The following DDX50 variants were observed in gnomAD, a reference collection of about 807,000 sequenced individuals.
DDX50 encodes ATP-dependent RNA helicase DDX50.
DDX50 carries 56 observed loss-of-function variants against 94.8 expected under a neutral mutation model. The ratio of observed to expected loss-of-function variants is 0.59; its 90% CI spans 0.48 to 0.74. The LOEUF is 0.74. Ranked by LOEUF, DDX50 falls within the 30% of genes least tolerant of loss-of-function variation. The pLI, the probability that DDX50 is intolerant of heterozygous loss-of-function variation, is 0.00. For missense variants in DDX50, 713 were observed against 881.2 expected (o/e 0.81, Z 2.42); for synonymous variants, 264 against 295.4 (o/e 0.89, Z 1.09).
At chr10:68,902,046 C>T (rs966708110) in intron 1 of DDX50, among the ~76,000 whole-genome samples, 1 of 151,838 alleles carries the variant, frequency 6.6e-6, no homozygotes, top group Non-Finnish European at 1.5e-5. Context: ...TCATTCAATC[C>T]GCAGGTGTTT....
At chr10:68,925,986 C>G (rs1350625069) in intron 8 of DDX50, among the ~76,000 whole-genome samples, 2 of 145,028 alleles carry the variant, frequency 1.4e-5, no homozygotes, top group Non-Finnish European at 3.0e-5. Flanking sequence ...TGCACTCCAT[C>G]CTGGGCAACA....
rs1219886192 is a variant in DDX50 at position 68,932,888 on chromosome 10, CT to C, written c.1240-1304del. ...GTATTGAAGAATAAAAGGTACACAA[CT>C]TTTTTTATAATACAGTTTTTTAAAT... On this transcript the variant is annotated intron_variant, in intron 8 of 14. Coordinates refer to ENST00000373585, the MANE Select transcript of DDX50 (RefSeq NM_024045.2). 2.0e-5 allele frequency among the ~76,000 whole-genome samples: 3 copies of C among 152,088 alleles called. No homozygotes were observed. In the South Asian group the frequency reaches 6.2e-4, roughly 32 times the overall value.
At chr10:68,931,394 T>TAC (rs1842260665) in intron 8 of DDX50, among the ~76,000 whole-genome samples, 1 of 34,580 alleles carries the variant, frequency 2.9e-5, no homozygotes, top group Admixed American at 3.0e-4. Flanking sequence ...AAAAAAAAAA[T>TAC]ATATATATAT....
intron 8 of DDX50, among the ~76,000 whole-genome samples, chr10:68,933,257 A>G (rs2132053634): frequency 6.6e-6 from 1 of 152,110 alleles, no homozygotes; most frequent in Non-Finnish European, 1.5e-5. Flanking sequence ...TTTAGTAGAG[A>G]CAGAGTTTCA....
intron 7 of DDX50, among the ~76,000 whole-genome samples, chr10:68,915,378 A>G (rs1440114436): frequency 4.0e-5 from 6 of 151,146 alleles, no homozygotes; most frequent in Non-Finnish European, 8.8e-5. Context: ...GCGCCACTGC[A>G]CTCCAGCTTG....
chr10:68,928,487 A>G (rs1227706736), intron 8 of DDX50, among the ~76,000 whole-genome samples: 1 of 152,198 alleles, frequency 6.6e-6, no homozygotes, highest in Non-Finnish European at 1.5e-5. Flanking sequence ...CCTGGGCAAC[A>G]TAGTGAGACT....
intron 8 of DDX50, among the ~76,000 whole-genome samples, chr10:68,921,539 A>G (rs1323050695): frequency 2.6e-5 from 4 of 152,136 alleles, no homozygotes; most frequent in Non-Finnish European, 4.4e-5. Context: ...TAGGTGGTGT[A>G]CTTCCGGCAG....
intron 2 of DDX50, among the ~76,000 whole-genome samples, chr10:68,909,107 T>C (rs1841553309): frequency 6.6e-6 from 1 of 152,222 alleles, no homozygotes; most frequent in Non-Finnish European, 1.5e-5. Flanking sequence ...ATTACAGGCA[T>C]GAGCCACCAC....
At chr10:68,907,794 G>C (rs1841502410) in intron 2 of DDX50, among the ~76,000 whole-genome samples, 1 of 151,520 alleles carries the variant, frequency 6.6e-6, no homozygotes, top group East Asian at 1.9e-4. Context: ...ATCTAAATAA[G>C]GTCCTTTAAA....
Position 68,934,458 on chromosome 10 carries a change from TC to T in DDX50, c.1401+99del. On this transcript the variant is annotated intron_variant, in intron 9 of 14. Coordinates refer to ENST00000373585, the MANE Select transcript of DDX50 (RefSeq NM_024045.2). This position sits in a 1 kb window ranked among gnomAD's most constrained non-coding sequence, Gnocchi z 4.0. Reference sequence around the variant, plus strand: ...CTTGGGATGTGAAAAATATGTCATCTCTTCTTGCTCTTAGCCATTTTTTGTT... The same window carrying T: ...CTTGGGATGTGAAAAATATGTCATCTTTCTTGCTCTTAGCCATTTTTTGTT... 1.3e-6 allele frequency: 2 copies of T among 1,505,746 alleles called. No homozygotes were observed. Among genetic ancestry groups the T allele is most frequent in the Non-Finnish European group, 1.8e-6 (2 of 1,113,904 alleles). 93.3% of individuals were successfully genotyped at this position (1,505,746 alleles called of 1,614,324 possible).
At chr10:68,928,942 ATTTCTTTTTTCT>A (rs1397337791) in intron 8 of DDX50, among the ~76,000 whole-genome samples, 4 of 151,924 alleles carry the variant, frequency 2.6e-5, no homozygotes, top group Non-Finnish European at 5.9e-5. Context: ...TGTCCCATTT[ATTTCTTTTTTCT>A]TTTCTTTTTT....
In DDX50 at chr10:68,934,852, A is replaced by G. The variant is rs1842366130; in HGVS notation, c.1455A>G (p.Thr485=). ...RSGRTGRAGR[T]GICICFYQPR... is the part of the protein sequence containing the mutation. ...GACGCACAGGTAGAGCTGGACGGAC[A>G]GGGATTTGTATATGTTTTTATCAAC... Residue 485 remains threonine, a synonymous_variant, in exon 10 of 15, where the codon ACA becomes ACG. Coordinates refer to ENST00000373585, the MANE Select transcript of DDX50 (RefSeq NM_024045.2). This position sits in a 1 kb window ranked among gnomAD's most constrained non-coding sequence, Gnocchi z 4.0. The G allele has an allele frequency of 6.2e-7, 1 of 1,613,384 alleles. No homozygotes were observed. The highest frequency in any genetic ancestry group is 1.3e-5 in the African/African-American group (1 of 75,030).
At chr10:68,910,186 C>CAA (rs35271752) in intron 2 of DDX50, 121 bp from the exon 3 acceptor site, 1,074 of 682,170 alleles carry the variant, frequency 1.6e-3, no homozygotes, top group Non-Finnish European at 1.7e-3. Context: ...GACCCTGTTT[C>CAA]AAAAAAAAAA....
chr10:68,908,677 G>A (rs1213287811), intron 2 of DDX50, among the ~76,000 whole-genome samples: 1 of 109,962 alleles, frequency 9.1e-6, no homozygotes, highest in East Asian at 2.7e-4. Context: ...GTCTCACTCT[G>A]TCACCTAGGA....
At chr10:68,936,297 C>T (rs1184519830) in intron 11 of DDX50, among the ~76,000 whole-genome samples, 1 of 149,074 alleles carries the variant, frequency 6.7e-6, no homozygotes, top group Non-Finnish European at 1.5e-5. Context: ...ACCATCCTGG[C>T]TAACACGGTG....
intron 13 of DDX50, among the ~76,000 whole-genome samples, chr10:68,942,329 T>C (rs1842573418): frequency 6.6e-6 from 1 of 152,238 alleles, no homozygotes; most frequent in Non-Finnish European, 1.5e-5. Context: ...CTTTACTGCA[T>C]AGGTTCATTC....
intron 8 of DDX50, among the ~76,000 whole-genome samples, chr10:68,929,025 T>A (rs1842162609): frequency 6.6e-6 from 1 of 152,158 alleles, no homozygotes; most frequent in Non-Finnish European, 1.5e-5. Flanking sequence ...CTCGGCTCAC[T>A]GCAACCACCA....
intron 4 of DDX50, among the ~76,000 whole-genome samples, chr10:68,911,917 CT>C (rs2132027318): frequency 6.6e-6 from 1 of 152,166 alleles, no homozygotes; most frequent in African/African-American, 2.4e-5. Flanking sequence ...GCTGTGTGCA[CT>C]TAAGGTTTGT....
At chr10:68,942,949 C>T (rs1463370717) in intron 13 of DDX50, among the ~76,000 whole-genome samples, 1 of 151,976 alleles carries the variant, frequency 6.6e-6, no homozygotes, top group Non-Finnish European at 1.5e-5. Flanking sequence ...ATGAGACTTT[C>T]TATCATTAAA....
Sources: allele counts gnomAD v4.1 joint callset (sites outside exome capture counted in the v4.1 genomes callset), GRCh38; gene constraint gnomAD v4.1.1; non-coding constraint Gnocchi (gnomAD v3.1); transcripts MANE v1.5; gene names NCBI Gene and HGNC (gene_info 2026-07-23, HGNC 2026-07-21).